Variants in SLC38A12 observed in about 807,000 individuals in gnomAD.
SLC38A12 encodes putative sodium-coupled neutral amino acid transporter 12.
the SLC38A12 span, among the ~76,000 whole-genome samples, chr17:74,809,108 C>G: frequency 2.6e-5 from 4 of 152,214 alleles, no homozygotes; most frequent in Admixed American, 6.5e-5. Context: ...TTACAAACCT[C>G]AGGTCCCTAA....
chr17:74,832,129 G>A, the SLC38A12 span, among the ~76,000 whole-genome samples: 1 of 151,958 alleles, frequency 6.6e-6, no homozygotes, highest in South Asian at 2.1e-4. Flanking sequence ...TTAAGCCTCG[G>A]GCCATGGTCC....
chr17:74,790,838 C>T, the SLC38A12 span: 35 of 755,766 alleles, frequency 4.6e-5, no homozygotes, highest in Non-Finnish European at 7.1e-5. Context: ...GAAAAGTTTT[C>T]TCGAGTTTGG....
At chr17:74,812,469 A>G in the SLC38A12 span, among the ~76,000 whole-genome samples, 5 of 152,152 alleles carry the variant, frequency 3.3e-5, no homozygotes, top group Non-Finnish European at 1.5e-5. Context: ...ACTACACTTC[A>G]AGGACGTGTT....
chr17:74,795,479 A>C, the SLC38A12 span: 1 of 1,575,036 alleles, frequency 6.3e-7, no homozygotes, highest in African/African-American at 1.4e-5. Context: ...CAGCCCAGCC[A>C]GGCGGCCTCG....
chr17:74,795,825 G>T, the SLC38A12 span, among the ~76,000 whole-genome samples: 1 of 152,204 alleles, frequency 6.6e-6, no homozygotes, highest in South Asian at 2.1e-4. Flanking sequence ...AGCCCCCAAG[G>T]TTCCTGGCAG....
At chr17:74,814,301 C>T in the SLC38A12 span, among the ~76,000 whole-genome samples, 1 of 151,510 alleles carries the variant, frequency 6.6e-6, no homozygotes, top group African/African-American at 2.4e-5. Flanking sequence ...ACCCCAGGCC[C>T]CCTTCCTGTG....
the SLC38A12 span, chr17:74,776,590 G>C: frequency 6.6e-6 from 1 of 151,976 alleles, no homozygotes; most frequent in Non-Finnish European, 1.5e-5. Flanking sequence ...GTTGGGTCGG[G>C]TCGGGTCGGG....
chr17:74,795,091 C>T, the SLC38A12 span: 89 of 1,614,050 alleles, frequency 5.5e-5, no homozygotes, highest in Non-Finnish European at 7.3e-5. Context: ...CCGTGCCCTT[C>T]TCCCTCATGC....
the SLC38A12 span, among the ~76,000 whole-genome samples, chr17:74,807,726 C>G: frequency 1.8e-4 from 27 of 152,392 alleles, no homozygotes; most frequent in South Asian, 5.6e-3. Flanking sequence ...TCCAGCACCA[C>G]CAATTTGCAT....
chr17:74,816,424 A>C, the SLC38A12 span, among the ~76,000 whole-genome samples: 1 of 152,308 alleles, frequency 6.6e-6, no homozygotes, highest in Non-Finnish European at 1.5e-5. Context: ...AGCCCTGTTG[A>C]GCTGTAGACT....
the SLC38A12 span, chr17:74,838,282 A>G: frequency 1.0e-6 from 1 of 985,778 alleles, no homozygotes; most frequent in Non-Finnish European, 1.2e-6. Context: ...TCCATCTATC[A>G]TTGCGACTTC....
At chr17:74,789,844 TCAA>T in the SLC38A12 span, among the ~76,000 whole-genome samples, 16 of 66,202 alleles carry the variant, frequency 2.4e-4, no homozygotes, top group Non-Finnish European at 8.3e-5. Flanking sequence ...AAACTTCGTC[TCAA>T]AAAAAAAAAA....
At chr17:74,837,960 C>T in the SLC38A12 span, 2 of 985,332 alleles carry the variant, frequency 2.0e-6, 1 homozygote, top group South Asian at 9.4e-5. Context: ...TCAGGCCCCA[C>T]CCCTCCCTCT....
the SLC38A12 span, among the ~76,000 whole-genome samples, chr17:74,811,822 A>G: frequency 1.8e-3 from 273 of 152,336 alleles, 2 homozygotes; most frequent in South Asian, 6.6e-3. Context: ...ACTTGAGGCC[A>G]GGAGTTTGAG....
the SLC38A12 span, chr17:74,836,660 TATC>T: frequency 9.0e-5 from 144 of 1,608,390 alleles, 1 homozygote; most frequent in African/African-American, 1.3e-3. This position sits in a 1 kb window ranked among gnomAD's most constrained non-coding sequence, Gnocchi z 4.2. Flanking sequence ...TCACGGCCAA[TATC>T]ATCCTCAGCG....
chr17:74,821,770 G>T, the SLC38A12 span, among the ~76,000 whole-genome samples: 1 of 152,216 alleles, frequency 6.6e-6, no homozygotes, highest in Non-Finnish European at 1.5e-5. Flanking sequence ...CAGCTCCTGT[G>T]GCTCCCTGCA....
the SLC38A12 span, chr17:74,795,630 T>C: frequency 6.2e-7 from 1 of 1,613,234 alleles, no homozygotes; most frequent in Non-Finnish European, 8.5e-7. Context: ...CCGCATCTAC[T>C]TGGTGAGTGT....
chr17:74,819,987 C>T, the SLC38A12 span: 1 of 702,092 alleles, frequency 1.4e-6, no homozygotes, highest in East Asian at 2.7e-5. Context: ...GGTCCTCCCA[C>T]CTTTCCAAAG....
At chr17:74,790,016 C>G in the SLC38A12 span, among the ~76,000 whole-genome samples, 1 of 149,034 alleles carries the variant, frequency 6.7e-6, no homozygotes, top group East Asian at 2.0e-4. Context: ...TGCAGTGTTG[C>G]AATCACGGCT....
Sources: gnomAD v4.1 joint callset for allele counts (sites outside exome capture counted in the v4.1 genomes callset) on GRCh38, gnomAD v4.1.1 for gene constraint, Gnocchi (gnomAD v3.1) non-coding constraint, MANE v1.5 for transcripts, NCBI Gene and HGNC (gene_info 2026-07-23, HGNC 2026-07-21) for gene names.